Variants in CDH18 observed in about 807,000 individuals in gnomAD.
The protein encoded by CDH18 is cadherin-18.
In CDH18, 31 loss-of-function variants were observed where a neutral mutation model predicts 67.9. That is an observed-to-expected ratio of 0.46 (90% confidence interval 0.34 to 0.62). CDH18 has a LOEUF of 0.62. Ranked by LOEUF, CDH18 falls within the 20% of genes least tolerant of loss-of-function variation. The pLI, the probability that CDH18 is intolerant of heterozygous loss-of-function variation, is 0.01. For missense variants in CDH18, 890 were observed against 975.5 expected, an observed-to-expected ratio of 0.91 and a Z score of 1.17; for synonymous variants, 362 against 347.2, an observed-to-expected ratio of 1.04 and a Z score of -0.48.
intron 3 of CDH18, among the ~76,000 whole-genome samples, chr5:19,752,198 G>A (rs1770936230): frequency 1.3e-5 from 2 of 152,128 alleles, no homozygotes; most frequent in Admixed American, 1.3e-4. Context: ...AGGGGAGGAT[G>A]CAAATCCTGT....
intron 2 of CDH18, among the ~76,000 whole-genome samples, chr5:20,015,802 T>C (rs1187341303): frequency 3.9e-5 from 6 of 152,154 alleles, no homozygotes; most frequent in Admixed American, 2.0e-4. Flanking sequence ...CTAATCAAGA[T>C]GTAGGTGTTT....
chr5:19,655,582 C>T (rs1329391805), intron 5 of CDH18, among the ~76,000 whole-genome samples: 1 of 151,732 alleles, frequency 6.6e-6, no homozygotes, highest in Non-Finnish European at 1.5e-5. Context: ...TCAATGTTTT[C>T]TTTCTCTCAT....
chr5:20,251,638 T>G (rs1044332807), intron 2 of CDH18, among the ~76,000 whole-genome samples: 1 of 152,056 alleles, frequency 6.6e-6, no homozygotes, highest in African/African-American at 2.4e-5. Context: ...AAACATGCAG[T>G]GGTGGGGGAT....
intron 2 of CDH18, among the ~76,000 whole-genome samples, chr5:19,994,737 ATAGAGAGAGAGAGAGAGAGAGAGAG>A (rs1292541995): frequency 1.2e-4 from 1 of 8,578 alleles, no homozygotes; most frequent in African/African-American, 5.2e-4. Context: ...ATATATATAT[ATAGAGAGAGAGAGAGAGAGAGAGAG>A]AGAGAGAGAG....
intron 2 of CDH18, among the ~76,000 whole-genome samples, chr5:19,997,679 G>C (rs1736120617): frequency 6.6e-6 from 1 of 152,128 alleles, no homozygotes; most frequent in Admixed American, 6.5e-5. Flanking sequence ...TGCTTCAACT[G>C]ATTGCAGGTC....
At position 19,612,406 on chromosome 5, in the gene CDH18, A is replaced by C. The variant is rs1018486113; in HGVS notation, c.811+28T>G. 2.5e-6 allele frequency: 4 copies of C among 1,607,460 alleles called. No homozygotes were observed. In the African/African-American group the frequency reaches 5.3e-5, roughly 21 times the overall value. ...ACTTTACATAAAGAGATAATGATAA[A>C]TTCAAATCATGGAAAACAAATACGT... On this transcript the variant is annotated intron_variant, in intron 6 of 12. Transcript: ENST00000382275.
chr5:19,487,066 G>T (rs1740520090), intron 11 of CDH18, among the ~76,000 whole-genome samples: 1 of 152,122 alleles, frequency 6.6e-6, no homozygotes. Context: ...AAGATTCGAG[G>T]AGATTTTGTA....
intron 4 of CDH18, among the ~76,000 whole-genome samples, chr5:19,729,611 C>T (rs534349992): frequency 3.9e-5 from 6 of 152,224 alleles, no homozygotes; most frequent in South Asian, 2.1e-4. Context: ...AAGGCCGAGG[C>T]GGTAAGTCCA....
intron 2 of CDH18, among the ~76,000 whole-genome samples, chr5:19,961,022 C>T (rs1796837235): frequency 6.6e-6 from 1 of 150,916 alleles, no homozygotes; most frequent in Non-Finnish European, 1.5e-5. Flanking sequence ...TCACCACAAA[C>T]GTGAGTAATT....
intron 1 of CDH18, among the ~76,000 whole-genome samples, chr5:20,566,364 T>TC (rs1230493137): frequency 2.1e-5 from 3 of 145,010 alleles, no homozygotes; most frequent in East Asian, 2.0e-4. Context: ...CTTTTTCTTT[T>TC]TTTTTTTTTT....
At chr5:19,674,393 C>G (rs557674374) in intron 5 of CDH18, among the ~76,000 whole-genome samples, 1 of 152,066 alleles carries the variant, frequency 6.6e-6, no homozygotes, top group Non-Finnish European at 1.5e-5. Flanking sequence ...AAATGTTTAG[C>G]TTCTGCAATA....
intron 1 of CDH18, among the ~76,000 whole-genome samples, chr5:20,261,432 A>C (rs561893165): frequency 6.8e-6 from 1 of 146,980 alleles, no homozygotes; most frequent in Non-Finnish European, 1.5e-5. Context: ...ATTAACAATA[A>C]GTGTTTTGTA....
At chr5:20,078,558 T>TTCTTCTTTACTG (rs1315508419) in intron 2 of CDH18, among the ~76,000 whole-genome samples, 62 of 151,854 alleles carry the variant, frequency 4.1e-4, no homozygotes, top group African/African-American at 1.3e-3. Flanking sequence ...ACCAATAGAT[T>TTCTTCTTTACTG]AGAGAAAACT....
intron 1 of CDH18, among the ~76,000 whole-genome samples, chr5:19,983,681 A>C (rs1799282494): frequency 1.3e-5 from 2 of 152,150 alleles, no homozygotes; most frequent in Non-Finnish European, 2.9e-5. Context: ...GTCAGGGTGC[A>C]CTAGGGCAAA....
chr5:19,922,137 A>T (rs909165181), intron 2 of CDH18, among the ~76,000 whole-genome samples: 1 of 152,222 alleles, frequency 6.6e-6, no homozygotes, highest in African/African-American at 2.4e-5. Flanking sequence ...GTCAAAATGA[A>T]TCTCAGTTTG....
chr5:19,631,401 T>C (rs942136695), intron 5 of CDH18, among the ~76,000 whole-genome samples: 1 of 152,184 alleles, frequency 6.6e-6, no homozygotes, highest in Non-Finnish European at 1.5e-5. Context: ...TCTTTGATCA[T>C]GTATTAAACT....
chr5:19,815,638 C>T (rs970830896), intron 3 of CDH18, among the ~76,000 whole-genome samples: 7 of 151,692 alleles, frequency 4.6e-5, no homozygotes, highest in Admixed American at 6.6e-5. Context: ...TGATGAGAGA[C>T]GTATTTTATG....
rs114477489 is a variant in CDH18, at chr5:19,570,135, T to C, written c.1253+1444A>G. ...ACATTTTTTTTTAAACCTGAACAAA[T>C]CATACTTACTGTTTGGGGTCAAAAG... On this transcript the variant is annotated intron_variant, in intron 8 of 12. Coordinates refer to ENST00000382275, the MANE Select transcript of CDH18 (RefSeq NM_004934.5). 9.4e-3 allele frequency among the ~76,000 whole-genome samples: 1,437 copies of C among 152,162 alleles called. 8 individuals are homozygous for C. Among genetic ancestry groups the C allele is most frequent in the East Asian group, 0.048 (248 of 5,172 alleles).
intron 2 of CDH18, among the ~76,000 whole-genome samples, chr5:19,913,175 C>A (rs1004798763): frequency 6.6e-6 from 1 of 151,754 alleles, no homozygotes; most frequent in African/African-American, 2.4e-5. Flanking sequence ...AAGAATTAGG[C>A]CCTCATATTA....
Sources: allele counts gnomAD v4.1 joint callset (sites outside exome capture counted in the v4.1 genomes callset), GRCh38; gene constraint gnomAD v4.1.1; transcripts MANE v1.5; gene names NCBI Gene and HGNC (gene_info 2026-07-23, HGNC 2026-07-21).